Variants in CNRIP1 observed in about 807,000 individuals in gnomAD.
CNRIP1 encodes the protein CB1 cannabinoid receptor-interacting protein 1.
In CNRIP1, 10 loss-of-function variants were observed where a neutral mutation model predicts 15.2. The observed-to-expected ratio is 0.66, with a 90% CI of 0.41 to 1.12. The LOEUF (loss-of-function observed/expected upper bound fraction) is 1.12, where lower values mean the gene tolerates loss of function less well. Among genes scored for constraint, CNRIP1 ranks in the 50% most tolerant of loss-of-function variants. CNRIP1 has a pLI of 0.00. For missense variants in CNRIP1, 211 were observed against 214.7 expected, an observed-to-expected ratio of 0.98 and a Z score of 0.11; for synonymous variants, 91 against 83.2, an observed-to-expected ratio of 1.09 and a Z score of -0.51.
At chr2:68,306,894 G>A (rs1671875928) in intron 2 of CNRIP1, among the ~76,000 whole-genome samples, 1 of 152,178 alleles carries the variant, frequency 6.6e-6, no homozygotes, top group African/African-American at 2.4e-5. Context: ...AGGACAGAAG[G>A]CCATTCAAGT....
chr2:68,302,060 T>C (rs527375048), intron 2 of CNRIP1, among the ~76,000 whole-genome samples: 2 of 152,294 alleles, frequency 1.3e-5, no homozygotes, highest in Admixed American at 6.5e-5. Context: ...CAATTTTACA[T>C]GAAAGTTGAC....
chr2:68,297,669 A>G (rs1671430132), intron 2 of CNRIP1, among the ~76,000 whole-genome samples: 1 of 152,058 alleles, frequency 6.6e-6, no homozygotes, highest in African/African-American at 2.4e-5. Context: ...AAACTTTTAA[A>G]GAGATACTAT....
At chr2:68,311,616 AT>A (rs1249101054) in intron 2 of CNRIP1, among the ~76,000 whole-genome samples, 3 of 151,928 alleles carry the variant, frequency 2.0e-5, no homozygotes, top group Non-Finnish European at 2.9e-5. Flanking sequence ...TCTACTAAAA[AT>A]ACAAAAAATT....
chr2:68,319,200 C>T lies in CNRIP1; in HGVS notation c.179+22G>A, dbSNP rs780599672. The T allele has an allele frequency of 1.2e-5, 19 of 1,526,830 alleles. No individual in the cohort carries two copies. In the South Asian group the frequency reaches 2.2e-4, roughly 18 times the overall value. The allele number at this position is 1,526,830 out of a possible 1,614,324, so 94.6% of individuals were successfully genotyped here. A position where few individuals can be genotyped will look rare whatever the true frequency, so the allele number is the denominator to read the frequency against. ...CTGTACCCCATGGGGGACCCTGCTG[C>T]CACCAGGCGCCCCGCACTCACTCGA... On this transcript the variant is annotated intron_variant, in intron 1 of 2. Coordinates refer to ENST00000263655, the MANE Select transcript of CNRIP1 (RefSeq NM_015463.3).
intron 2 of CNRIP1, among the ~76,000 whole-genome samples, chr2:68,311,787 A>G (rs1000963751): frequency 4.0e-5 from 6 of 151,078 alleles, no homozygotes; most frequent in African/African-American, 7.3e-5. Context: ...GGGAAAAAAA[A>G]AAAAAAAAAA....
At chr2:68,305,349 T>C (rs1215702477) in intron 2 of CNRIP1, among the ~76,000 whole-genome samples, 1 of 149,666 alleles carries the variant, frequency 6.7e-6, no homozygotes, top group Non-Finnish European at 1.5e-5. Context: ...TTTAAATATA[T>C]ATAGACACCA....
At chr2:68,318,352 C>A (rs1278793941) in intron 1 of CNRIP1, among the ~76,000 whole-genome samples, 2 of 152,160 alleles carry the variant, frequency 1.3e-5, no homozygotes, top group Non-Finnish European at 2.9e-5. Context: ...GGTTTATTTT[C>A]TCTCTGCAGA....
intron 2 of CNRIP1, among the ~76,000 whole-genome samples, chr2:68,306,673 C>T (rs1282898962): frequency 3.3e-5 from 5 of 151,628 alleles, no homozygotes; most frequent in East Asian, 1.9e-4. Flanking sequence ...CCCAGCTACT[C>T]GGGAGGCTGA....
At chr2:68,284,970 G>A (rs1572999062) in intron 2 of CNRIP1, among the ~76,000 whole-genome samples, 1 of 152,112 alleles carries the variant, frequency 6.6e-6, no homozygotes, top group Admixed American at 6.5e-5. Flanking sequence ...CCACTATTTA[G>A]CCAGGCCCAA....
chr2:68,317,019 G>T, intron 2 of CNRIP1, 138 bp downstream of exon 2: 1 of 1,058,710 alleles, frequency 9.4e-7, no homozygotes, highest in Non-Finnish European at 1.5e-6. Flanking sequence ...GCAGATGCTT[G>T]AAGGAAATCC....
In CNRIP1 at chr2:68,294,031, G is replaced by C. The variant is rs1021846607; in HGVS notation, c.331-5C>G. ...GAAGGTCCCAATGTCTGTGAACTGAGGGAAGAGAAACATGCCTGATAAAAA... is the reference window on the plus strand; with the variant it reads ...GAAGGTCCCAATGTCTGTGAACTGACGGAAGAGAAACATGCCTGATAAAAA... On this transcript the variant is annotated splice_polypyrimidine_tract_variant and splice_region_variant and intron_variant, in intron 2 of 2. Coordinates refer to ENST00000263655, the MANE Select transcript of CNRIP1 (RefSeq NM_015463.3). 6.8e-6 allele frequency: 11 copies of C among 1,612,656 alleles called. No individual in the cohort carries two copies. The highest frequency in any genetic ancestry group is 8.5e-6 in the Non-Finnish European group (10 of 1,179,040).
intron 2 of CNRIP1, among the ~76,000 whole-genome samples, chr2:68,302,909 C>A (rs1045842173): frequency 1.0e-4 from 14 of 139,076 alleles, no homozygotes; most frequent in African/African-American, 2.5e-4. Flanking sequence ...TGCAGTGGTG[C>A]GATCTCGGCT....
chr2:68,302,880 C>CT (rs1558664662), intron 2 of CNRIP1, among the ~76,000 whole-genome samples: 26 of 147,710 alleles, frequency 1.8e-4, no homozygotes, highest in Non-Finnish European at 3.4e-4. Context: ...ACGGAGTCTC[C>CT]CTGTCGCCCA....
At chr2:68,291,878 CAAAAA>C (rs527648471), downstream of CNRIP1, among the ~76,000 whole-genome samples, 4 of 85,052 alleles carry the variant, frequency 4.7e-5, no homozygotes, top group African/African-American at 4.8e-5. Context: ...GACTCCATCT[CAAAAA>C]AAAAAAAAAA....
chr2:68,299,531 A>G (rs1242522772), intron 2 of CNRIP1, among the ~76,000 whole-genome samples: 2 of 152,214 alleles, frequency 1.3e-5, no homozygotes, highest in Non-Finnish European at 2.9e-5. Context: ...GAGGGTCCTC[A>G]CCAGACTACT....
intron 2 of CNRIP1, 59 bp from the exon 3 acceptor site, chr2:68,294,085 G>T: frequency 6.5e-7 from 1 of 1,549,732 alleles, no homozygotes; most frequent in Non-Finnish European, 8.8e-7. Context: ...CAATAGATGA[G>T]AGCTAACATT....
At chr2:68,299,134 C>T (rs1431913864) in intron 2 of CNRIP1, among the ~76,000 whole-genome samples, 1 of 152,098 alleles carries the variant, frequency 6.6e-6, no homozygotes, top group Admixed American at 6.6e-5. Flanking sequence ...CCAAAGCCAG[C>T]CAATGATAGG....
At chr2:68,318,746 C>G (rs1040200411) in intron 1 of CNRIP1, among the ~76,000 whole-genome samples, 1 of 152,204 alleles carries the variant, frequency 6.6e-6, no homozygotes, top group Non-Finnish European at 1.5e-5. Context: ...CAGTAATCAC[C>G]CCTCCCCTGC....
downstream of CNRIP1, among the ~76,000 whole-genome samples, chr2:68,291,294 C>CTT (rs113940917): frequency 3.4e-5 from 5 of 149,224 alleles, no homozygotes; most frequent in East Asian, 5.9e-4. Flanking sequence ...ACACTTTCCC[C>CTT]TTTTTTTTTT....
Sources: gnomAD v4.1 joint callset for allele counts (sites outside exome capture counted in the v4.1 genomes callset) on GRCh38, gnomAD v4.1.1 for gene constraint, MANE v1.5 for transcripts, NCBI Gene and HGNC (gene_info 2026-07-23, HGNC 2026-07-21) for gene names.